The following ZNF609 variants were observed in gnomAD, a reference collection of about 807,000 sequenced individuals.
ZNF609 encodes zinc finger protein 609.
ZNF609 carries 11 observed loss-of-function variants against 109.5 expected under a neutral mutation model. The observed-to-expected ratio is 0.10, with a 90% CI of 0.06 to 0.17. The LOEUF (loss-of-function observed/expected upper bound fraction) is 0.17, where lower values mean the gene tolerates loss of function less well. ZNF609 is among the 10% of genes least tolerant of loss of function. The pLI is 1.00. For missense variants in ZNF609, 1,559 were observed against 1,772.4 expected, an observed-to-expected ratio of 0.88 and a Z score of 2.16; for synonymous variants, 646 against 662.0, an observed-to-expected ratio of 0.98 and a Z score of 0.37.
At chr15:64,465,799 A>T (rs1396934245) in intron 1 of ZNF609, among the ~76,000 whole-genome samples, 1 of 152,016 alleles carries the variant, frequency 6.6e-6, no homozygotes, top group Admixed American at 6.6e-5. Context: ...GTTAAGGAAC[A>T]TCACCACTAA....
chr15:64,555,381 T>A (rs900094816), intron 2 of ZNF609, among the ~76,000 whole-genome samples: 2 of 151,178 alleles, frequency 1.3e-5, no homozygotes, highest in African/African-American at 4.9e-5. Context: ...ATGAATAAAT[T>A]GGGCTGGGTG....
chr15:64,557,017 A>G (rs920824032), intron 2 of ZNF609, among the ~76,000 whole-genome samples: 1 of 152,180 alleles, frequency 6.6e-6, no homozygotes, highest in African/African-American at 2.4e-5. Flanking sequence ...ACAAGTTAAT[A>G]TTAAATTTAG....
rs1893378420 is a variant in ZNF609, at chr15:64,489,364, T to C, written c.-127-9929T>C. Among the ~76,000 whole-genome samples, 3 of 150,264 alleles carry C rather than the reference T, an allele frequency of 2.0e-5. No individual in the cohort carries two copies. The Admixed American group carries it at 2.0e-4, about 10-fold the overall frequency. ...CCGCGCCCGGCTAATTTTTTTTTAGTAGAGACAGGGTTTTACCATCTTGGC... is the reference window on the plus strand; with the variant it reads ...CCGCGCCCGGCTAATTTTTTTTTAGCAGAGACAGGGTTTTACCATCTTGGC... On this transcript the variant is annotated intron_variant, in intron 1 of 9. Transcript: ENST00000326648.
At chr15:64,490,269 GTTGTTT>G (rs1423625651) in intron 1 of ZNF609, among the ~76,000 whole-genome samples, 1 of 16,700 alleles carries the variant, frequency 6.0e-5, no homozygotes, top group Admixed American at 1.3e-3. Flanking sequence ...CCGGCCAGTA[GTTGTTT>G]TTTTTTTTTT....
intron 2 of ZNF609, among the ~76,000 whole-genome samples, chr15:64,520,705 A>G (rs1352991312): frequency 1.3e-5 from 2 of 152,204 alleles, no homozygotes; most frequent in Non-Finnish European, 2.9e-5. Flanking sequence ...AGGGTTCACA[A>G]TAGAATGGGA....
chr15:64,621,150 C>T (rs570173913), intron 2 of ZNF609, among the ~76,000 whole-genome samples: 1 of 152,204 alleles, frequency 6.6e-6, no homozygotes, highest in Non-Finnish European at 1.5e-5. Flanking sequence ...ATCTTTGACT[C>T]TCATTTTCTA....
At chr15:64,525,268 A>G (rs1893953717) in intron 2 of ZNF609, among the ~76,000 whole-genome samples, 1 of 152,180 alleles carries the variant, frequency 6.6e-6, no homozygotes. Flanking sequence ...GGTGTGAAGT[A>G]GGGATCCAGC....
At position 64,482,284 on chromosome 15, in the gene ZNF609, C is replaced by T. The variant is rs74857369; in HGVS notation, c.-127-17009C>T. Among the ~76,000 whole-genome samples, 87 of 152,028 alleles carry T rather than the reference C, an allele frequency of 5.7e-4. 1 individual carries two copies. The East Asian group carries it at 0.014, about 24-fold the overall frequency. On this transcript the variant is annotated intron_variant, in intron 1 of 9. Transcript: ENST00000326648. Reference sequence around the variant, plus strand: ...TTTAAAAGTTTTTTTCTGATTGGAACGTGAATAAATCCTCTAGAAAGTACA... The same window carrying T: ...TTTAAAAGTTTTTTTCTGATTGGAATGTGAATAAATCCTCTAGAAAGTACA...
chr15:64,651,771 A>G (rs1037180125), intron 3 of ZNF609, among the ~76,000 whole-genome samples: 1 of 152,248 alleles, frequency 6.6e-6, no homozygotes, highest in African/African-American at 2.4e-5. Flanking sequence ...TCTGGCAGCT[A>G]CAGCTGAGGG....
At chr15:64,614,076 C>T (rs911117510) in intron 2 of ZNF609, among the ~76,000 whole-genome samples, 5 of 151,560 alleles carry the variant, frequency 3.3e-5, no homozygotes, top group African/African-American at 9.7e-5. Context: ...CACCACCACG[C>T]CTGACTAATT....
chr15:64,652,493 C>A (rs1216783459), intron 3 of ZNF609, among the ~76,000 whole-genome samples: 1 of 150,662 alleles, frequency 6.6e-6, no homozygotes, highest in Non-Finnish European at 1.5e-5. Context: ...CTCAGCCATT[C>A]TCCCCACCTC....
intron 2 of ZNF609, among the ~76,000 whole-genome samples, chr15:64,570,855 G>C (rs144107416): frequency 0.023 from 3,466 of 152,030 alleles, 133 homozygotes; most frequent in African/African-American, 0.08. Flanking sequence ...GCAAAACCTC[G>C]TCTCTACTAA....
At chr15:64,613,825 G>C (rs1895754842) in intron 2 of ZNF609, among the ~76,000 whole-genome samples, 1 of 152,076 alleles carries the variant, frequency 6.6e-6, no homozygotes, top group South Asian at 2.1e-4. Flanking sequence ...TGGGATTACA[G>C]GCGTGAGCCA....
At chr15:64,552,791 G>A (rs1363420436) in intron 2 of ZNF609, among the ~76,000 whole-genome samples, 1 of 152,150 alleles carries the variant, frequency 6.6e-6, no homozygotes, top group East Asian at 1.9e-4. Context: ...TGGGACTACA[G>A]GCACATGCAA....
intron 1 of ZNF609, among the ~76,000 whole-genome samples, chr15:64,462,409 A>C (rs1262915392): frequency 1.3e-5 from 2 of 152,324 alleles, no homozygotes; most frequent in Non-Finnish European, 1.5e-5. Context: ...TTTTATATGA[A>C]TGGAACACTC....
rs951319279 is a variant in ZNF609, at chr15:64,473,191, C to CTTTTTTTTTTTTTTTTTTT, written c.-128+12359_-128+12377dup. Among the ~76,000 whole-genome samples, 14 of 76,076 alleles carry CTTTTTTTTTTTTTTTTTTT rather than the reference C, an allele frequency of 1.8e-4. 1 individual carries two copies. The highest frequency in any genetic ancestry group is 8.5e-4 in the African/African-American group (13 of 15,354). 49.9% of individuals were successfully genotyped at this position (76,076 alleles called of 152,430 possible). On this transcript the variant is annotated intron_variant, in intron 1 of 9. Coordinates refer to ENST00000326648, the MANE Select transcript of ZNF609 (RefSeq NM_015042.2). ...TAAAACTTTTGACTCATATTTGGTTCTTTTTTTTTTTTTTTTTTTTTTTTG... is the reference window on the plus strand; with the variant it reads ...TAAAACTTTTGACTCATATTTGGTTCTTTTTTTTTTTTTTTTTTTTTTTTTTTTTTTTTTTTTTTTTTTG...
At position 64,593,627 on chromosome 15, in the gene ZNF609, C is replaced by G. The variant is rs574283150; in HGVS notation, c.748-29200C>G. 4.7e-4 allele frequency among the ~76,000 whole-genome samples: 71 copies of G among 152,186 alleles called. 1 individual carries two copies. In the South Asian group the frequency reaches 0.011, roughly 24 times the overall value. ...CTGCAACCTCCGCCTCCCAGACTCA[C>G]GTAATCCTCCCACCTCAGCTTCCCC... is the stretch of plus-strand genomic sequence containing the variant. On this transcript the variant is annotated intron_variant, in intron 2 of 9. Transcript: ENST00000326648.
At chr15:64,562,592 C>G (rs1442195668) in intron 2 of ZNF609, among the ~76,000 whole-genome samples, 1 of 152,118 alleles carries the variant, frequency 6.6e-6, no homozygotes, top group African/African-American at 2.4e-5. Flanking sequence ...GAGTTCCTGG[C>G]TGAGATCAGT....
intron 1 of ZNF609, among the ~76,000 whole-genome samples, chr15:64,478,876 A>G (rs944897206): frequency 6.6e-6 from 1 of 152,152 alleles, no homozygotes; most frequent in East Asian, 1.9e-4. Flanking sequence ...TATTACTGAT[A>G]TTGTGAATTT....
Sources: allele counts gnomAD v4.1 joint callset (sites outside exome capture counted in the v4.1 genomes callset), GRCh38; gene constraint gnomAD v4.1.1; transcripts MANE v1.5; gene names NCBI Gene and HGNC (gene_info 2026-07-23, HGNC 2026-07-21).